The following UBASH3B variants were observed in gnomAD, a reference collection of about 807,000 sequenced individuals.
UBASH3B encodes the protein ubiquitin-associated and SH3 domain-containing protein B.
In UBASH3B, 37 loss-of-function variants were observed where a neutral mutation model predicts 83.4. That is an observed-to-expected ratio of 0.44 (90% confidence interval 0.34 to 0.58). The LOEUF (loss-of-function observed/expected upper bound fraction) is 0.58. Ranked by LOEUF, UBASH3B falls within the 20% of genes least tolerant of loss-of-function variation. UBASH3B has a pLI of 0.01. For missense variants in UBASH3B, 657 were observed against 827.2 expected (o/e 0.79, Z 2.52); for synonymous variants, 304 against 318.3 (o/e 0.96, Z 0.48).
chr11:122,767,006 G>A (rs953176863), intron 1 of UBASH3B, among the ~76,000 whole-genome samples: 6 of 152,154 alleles, frequency 3.9e-5, no homozygotes, highest in African/African-American at 9.7e-5. Flanking sequence ...TAGGCCGGGC[G>A]CAGTGGCTCA....
At chr11:122,744,829 TGGCCAGG>T (rs1414072274) in intron 1 of UBASH3B, among the ~76,000 whole-genome samples, 2 of 151,306 alleles carry the variant, frequency 1.3e-5, no homozygotes, top group Non-Finnish European at 3.0e-5. Context: ...TATATGTGTG[TGGCCAGG>T]GGAGAATGTG....
Position 122,777,064 on chromosome 11 carries a change from C to A in UBASH3B, c.256C>A (p.Leu86Met). The change falls in exon 3 of 14, where the codon CTG becomes ATG. Residue 86 changes from leucine (L) to methionine (M), a missense_variant. Leu to Met is a conservative substitution (Grantham distance 15, BLOSUM62 2). Transcript: ENST00000284273. ...HVGDPFLDDP[L>M]PREYVLYLRP... ...CGGTGACCCCTTCCTGGATGACCCC[C>A]TGCCCCGGGAGTACGTCCTCTACCT... The A allele has an allele frequency of 6.2e-7, 1 of 1,613,508 alleles. No homozygotes were observed. The highest frequency in any genetic ancestry group is 1.3e-5 in the African/African-American group (1 of 74,992).
Position 122,789,185 on chromosome 11 carries a change from T to C in UBASH3B, c.857T>C (p.Met286Thr). The change falls in exon 6 of 14, where the codon ATG becomes ACG. Residue 286 changes from methionine to threonine, a missense_variant. Coordinates refer to ENST00000284273, the MANE Select transcript of UBASH3B (RefSeq NM_032873.5). ...GGGGACTTCATCTTCATGTCTCCAA[T>C]GGAGCAGACCAGCACCAGCGAGGGT... The part of the protein sequence containing the change: ...VPGDFIFMSP[M>T]EQTSTSEGWI... 1 of 1,614,152 alleles carries C rather than the reference T, an allele frequency of 6.2e-7. No individual in the cohort carries two copies. The highest frequency in any genetic ancestry group is 8.5e-7 in the Non-Finnish European group (1 of 1,180,030).
At chr11:122,673,528 G>A (rs1405041628) in intron 1 of UBASH3B, among the ~76,000 whole-genome samples, 2 of 152,100 alleles carry the variant, frequency 1.3e-5, no homozygotes, top group African/African-American at 2.4e-5. Flanking sequence ...GCATGGTGGC[G>A]GGCGCCTGTA....
chr11:122,745,858 A>T (rs1312174549), intron 1 of UBASH3B, among the ~76,000 whole-genome samples: 5 of 152,212 alleles, frequency 3.3e-5, no homozygotes, highest in Non-Finnish European at 5.9e-5. Flanking sequence ...ATCTCCCGAT[A>T]GGTGACCCAC....
chr11:122,752,263 A>G (rs1218114523), intron 1 of UBASH3B, among the ~76,000 whole-genome samples: 1 of 151,924 alleles, frequency 6.6e-6, no homozygotes, highest in Non-Finnish European at 1.5e-5. Flanking sequence ...GCCTAAGCAC[A>G]CTCTCTTTGA....
At chr11:122,748,273 A>G (rs1396150904) in intron 1 of UBASH3B, among the ~76,000 whole-genome samples, 1 of 152,244 alleles carries the variant, frequency 6.6e-6, no homozygotes, top group Non-Finnish European at 1.5e-5. Flanking sequence ...AGCAGCTGCC[A>G]TCTTTCTTTC....
intron 1 of UBASH3B, among the ~76,000 whole-genome samples, chr11:122,691,020 C>T (rs1258912113): frequency 6.6e-6 from 1 of 152,190 alleles, no homozygotes; most frequent in East Asian, 1.9e-4. Flanking sequence ...GAACCAAACC[C>T]CGGGTCTTCC....
chr11:122,687,116 G>A (rs895795811), intron 1 of UBASH3B, among the ~76,000 whole-genome samples: 1 of 152,100 alleles, frequency 6.6e-6, no homozygotes, highest in Admixed American at 6.5e-5. Flanking sequence ...CTATCCACTC[G>A]CCTTGGCCTC....
At position 122,662,972 on chromosome 11, in the gene UBASH3B, C is replaced by CTTTTTTTTTTTTT. The variant is rs568564848; in HGVS notation, c.161+6772_161+6784dup. ...AAAATTCCCTCTTACGCGCTAATGT[C>CTTTTTTTTTTTTT]TTTTTTTTTTTTTTTTTTTTTTGAG... is the stretch of plus-strand genomic sequence containing the variant. On this transcript the variant is annotated intron_variant, in intron 1 of 13. Transcript: ENST00000284273. 9.0e-5 allele frequency among the ~76,000 whole-genome samples: 10 copies of CTTTTTTTTTTTTT among 110,584 alleles called. 1 individual carries two copies. Among genetic ancestry groups the CTTTTTTTTTTTTT allele is most frequent in the East Asian group, 5.6e-4 (2 of 3,572 alleles). The allele number at this position is 110,584 out of a possible 152,430, so 72.5% of individuals were successfully genotyped here.
At chr11:122,735,986 T>C (rs1412087953) in intron 1 of UBASH3B, among the ~76,000 whole-genome samples, 1 of 152,080 alleles carries the variant, frequency 6.6e-6, no homozygotes, top group Non-Finnish European at 1.5e-5. Context: ...GAATAACTGA[T>C]AGCAATGTGG....
chr11:122,672,444 A>T (rs1330366265), intron 1 of UBASH3B, among the ~76,000 whole-genome samples: 3 of 151,312 alleles, frequency 2.0e-5, no homozygotes, highest in African/African-American at 7.3e-5. Flanking sequence ...CTCAACCTCA[A>T]CCTCCCATGT....
intron 1 of UBASH3B, among the ~76,000 whole-genome samples, chr11:122,737,696 A>G (rs564363464): frequency 1.3e-5 from 2 of 152,100 alleles, no homozygotes; most frequent in African/African-American, 4.8e-5. Flanking sequence ...AGAGAAGCAA[A>G]ATTGGCGGGG....
At chr11:122,769,734 T>C (rs1042036668) in intron 1 of UBASH3B, among the ~76,000 whole-genome samples, 2 of 152,254 alleles carry the variant, frequency 1.3e-5, no homozygotes, top group African/African-American at 2.4e-5. Context: ...TCTTCCGTTG[T>C]GGCAACAATG....
Position 122,806,051 on chromosome 11 carries a change from C to T in UBASH3B, c.1596-359C>T, listed in dbSNP as rs1348073729. Among the ~76,000 whole-genome samples, 1 of 152,124 alleles carries T rather than the reference C, an allele frequency of 6.6e-6. No homozygotes were observed. The highest frequency in any genetic ancestry group is 1.5e-5 in the Non-Finnish European group (1 of 68,016). On this transcript the variant is annotated intron_variant, in intron 11 of 13. Coordinates refer to ENST00000284273, the MANE Select transcript of UBASH3B (RefSeq NM_032873.5). The surrounding 1 kb of genome is among the most constrained non-coding windows in gnomAD (Gnocchi z 4.0). ...CTCTTGAAGAGAGGTCTGGGAAATC[C>T]CTGCTGATCTAAATAGGTTGAGGGT...
chr11:122,750,735 G>A (rs182978946), intron 1 of UBASH3B, among the ~76,000 whole-genome samples: 4 of 152,264 alleles, frequency 2.6e-5, no homozygotes, highest in South Asian at 2.1e-4. Flanking sequence ...GATTGCTTGC[G>A]TTTTAAGATC....
intron 7 of UBASH3B, 105 bp downstream of exon 7, chr11:122,794,939 G>T (rs979811960): frequency 2.7e-6 from 4 of 1,497,738 alleles, no homozygotes; most frequent in Non-Finnish European, 3.6e-6. Flanking sequence ...AAGCTTCCAC[G>T]ATCTCTTGGG....
At chr11:122,745,329 G>A (rs1861100851) in intron 1 of UBASH3B, among the ~76,000 whole-genome samples, 1 of 152,176 alleles carries the variant, frequency 6.6e-6, no homozygotes, top group African/African-American at 2.4e-5. Flanking sequence ...ACAGTTCCTG[G>A]TAGCTGGCAG....
At chr11:122,697,112 G>A (rs1459527752) in intron 1 of UBASH3B, among the ~76,000 whole-genome samples, 1 of 152,138 alleles carries the variant, frequency 6.6e-6, no homozygotes, top group South Asian at 2.1e-4. Flanking sequence ...GTTTGGGGGG[G>A]AAGTTTGAAG....
Sources: gnomAD v4.1 joint callset for allele counts (sites outside exome capture counted in the v4.1 genomes callset) on GRCh38, gnomAD v4.1.1 for gene constraint, Gnocchi (gnomAD v3.1) non-coding constraint, MANE v1.5 for transcripts, NCBI Gene and HGNC (gene_info 2026-07-23, HGNC 2026-07-21) for gene names.